Variants in SSPN observed in about 807,000 individuals in gnomAD.
SSPN encodes K-ras oncogene-associated protein.
SSPN carries 15 observed loss-of-function variants against 19.1 expected under a neutral mutation model. That is an observed-to-expected ratio of 0.78 (90% confidence interval 0.52 to 1.21). The LOEUF (loss-of-function observed/expected upper bound fraction) is 1.21, where lower values mean the gene tolerates loss of function less well. SSPN is among the 50% of genes most tolerant of loss of function. The pLI, the probability that SSPN is intolerant of heterozygous loss-of-function variation, is 0.00. For synonymous variants in SSPN, 147 were observed against 140.3 expected (o/e 1.05, Z -0.34); for missense variants, 291 against 314.0 (o/e 0.93, Z 0.55).
intron 1 of SSPN, among the ~76,000 whole-genome samples, chr12:26,184,287 A>G (rs1944738436): frequency 1.3e-5 from 2 of 152,240 alleles, no homozygotes. Flanking sequence ...GTTTTCTGCA[A>G]TCCCTCCTAC....
At chr12:26,122,450 C>T in intron 1 of SSPN, 2 of 1,355,094 alleles carry the variant, frequency 1.5e-6, no homozygotes, top group Non-Finnish European at 1.9e-6. Flanking sequence ...CTGCAGAAGG[C>T]GAGAGGAAGC....
chr12:26,209,084 T>A (rs1437308474), intron 1 of SSPN, among the ~76,000 whole-genome samples: 2 of 150,828 alleles, frequency 1.3e-5, no homozygotes, highest in Non-Finnish European at 3.0e-5. Context: ...CACTTTAGAA[T>A]AGGCTTTTCA....
At chr12:26,163,492 G>A (rs1377410577) in intron 1 of SSPN, among the ~76,000 whole-genome samples, 1 of 152,216 alleles carries the variant, frequency 6.6e-6, no homozygotes, top group Non-Finnish European at 1.5e-5. Context: ...TAGAGGCTGA[G>A]AAGTCCAAGA....
intron 1 of SSPN, among the ~76,000 whole-genome samples, chr12:26,152,189 G>A (rs1250213707): frequency 6.6e-6 from 1 of 152,088 alleles, no homozygotes; most frequent in Non-Finnish European, 1.5e-5. Flanking sequence ...TACTCCCACC[G>A]TGGCTAATTT....
rs570178888 is a variant in SSPN, at chr12:26,161,102, T to C, written c.-31+38950T>C. Among the ~76,000 whole-genome samples, 99 of 97,726 alleles carry C rather than the reference T, an allele frequency of 1.0e-3. 1 individual carries two copies. The East Asian group carries it at 0.012, about 11-fold the overall frequency. The allele number at this position is 97,726 out of a possible 152,430, so 64.1% of individuals were successfully genotyped here. ...CAGCCTGGGTGACAGAGAAAGACTCTGTCTCAAAAAAAAAAAAAAAAAAAA... is the reference window on the plus strand; with the variant it reads ...CAGCCTGGGTGACAGAGAAAGACTCCGTCTCAAAAAAAAAAAAAAAAAAAA... On this transcript the variant is annotated intron_variant, in intron 1 of 2. Coordinates refer to the SSPN transcript ENST00000538142.
chr12:26,208,103 G>A (rs1326170702), intron 1 of SSPN, among the ~76,000 whole-genome samples: 2 of 151,982 alleles, frequency 1.3e-5, no homozygotes, highest in Non-Finnish European at 2.9e-5. Context: ...TTGCATTTAC[G>A]GTGTTACAGT....
At chr12:26,123,061 A>G (rs756277807) in intron 1 of SSPN, 5 of 1,587,318 alleles carry the variant, frequency 3.1e-6, no homozygotes, top group Non-Finnish European at 4.3e-6. Flanking sequence ...CTGGGTGTCC[A>G]GCTCTCAAAC....
chr12:26,153,315 G>A (rs373728413), intron 1 of SSPN, among the ~76,000 whole-genome samples: 4 of 152,056 alleles, frequency 2.6e-5, no homozygotes, highest in South Asian at 2.1e-4. Flanking sequence ...TGTAAGTTTC[G>A]CTGCTAATAT....
At chr12:26,123,230 A>G in intron 1 of SSPN, 1 of 1,505,120 alleles carries the variant, frequency 6.6e-7, no homozygotes, top group Non-Finnish European at 8.9e-7. Flanking sequence ...AAACATACCC[A>G]CGTTAAAACA....
At position 26,232,174 on chromosome 12, in the gene SSPN, T is replaced by C. The variant is rs1215426894; in HGVS notation, c.*1098T>C. On this transcript the variant is annotated 3_prime_UTR_variant, in exon 3 of 3. Transcript: ENST00000242729. ...GGAAGATTGGGTAATGCTGATGTGT[T>C]CCATTCATGAAACTGTATTTGATAC... 5 of 985,362 alleles carry C rather than the reference T, an allele frequency of 5.1e-6. No individual in the cohort carries two copies. The highest frequency in any genetic ancestry group is 6.0e-6 in the Non-Finnish European group (5 of 829,940). The allele number at this position is 985,362 out of a possible 1,614,324, so 61.0% of individuals were successfully genotyped here.
Position 26,195,641 on chromosome 12 carries a change from G to GCTGGCCCC in SSPN, c.-31_-30insTGGCCCCC. The GCTGGCCCC allele has an allele frequency of 2.7e-6, 3 of 1,105,400 alleles. No homozygotes were observed. The highest frequency in any genetic ancestry group is 3.4e-6 in the Non-Finnish European group (3 of 878,118). 68.5% of individuals were successfully genotyped at this position (1,105,400 alleles called of 1,614,324 possible). A position where few individuals can be genotyped will look rare whatever the true frequency, so the allele number is the denominator to read the frequency against. On this transcript the variant is annotated 5_prime_UTR_variant, in exon 1 of 3. Transcript: ENST00000242729. Reference sequence around the variant, plus strand: ...CTCCAGGGCCCAGGGCGCCGCACACGCACCCACCCACCCACCCAGCCTCGC... The same window carrying GCTGGCCCC: ...CTCCAGGGCCCAGGGCGCCGCACACGCTGGCCCCCACCCACCCACCCACCCAGCCTCGC...
chr12:26,157,515 A>G (rs946345005), intron 1 of SSPN, among the ~76,000 whole-genome samples: 1 of 152,172 alleles, frequency 6.6e-6, no homozygotes, highest in African/African-American at 2.4e-5. Flanking sequence ...TGTACTCACA[A>G]TTATCAATGC....
chr12:26,136,875 C>T (rs574667839), intron 1 of SSPN, among the ~76,000 whole-genome samples: 1 of 152,292 alleles, frequency 6.6e-6, no homozygotes, highest in Admixed American at 6.5e-5. Flanking sequence ...CACATAGTTC[C>T]ACATTTATGT....
intron 1 of SSPN, among the ~76,000 whole-genome samples, chr12:26,136,987 T>C (rs1944429197): frequency 1.3e-5 from 2 of 152,230 alleles, no homozygotes; most frequent in Non-Finnish European, 2.9e-5. Context: ...CAAACTTTGT[T>C]AGCTGGCCAT....
chr12:26,223,119 T>C (rs1945139766), intron 1 of SSPN, among the ~76,000 whole-genome samples: 1 of 152,228 alleles, frequency 6.6e-6, no homozygotes, highest in African/African-American at 2.4e-5. Flanking sequence ...TCAAATCATG[T>C]CATTCCCTGC....
At chr12:26,142,846 A>G (rs1053971399) in intron 1 of SSPN, among the ~76,000 whole-genome samples, 6 of 152,264 alleles carry the variant, frequency 3.9e-5, no homozygotes, top group Non-Finnish European at 5.9e-5. Context: ...ATGTGCTGTC[A>G]TCTACAGAAA....
chr12:26,197,884 A>G (rs1276758816), intron 1 of SSPN, among the ~76,000 whole-genome samples: 1 of 152,224 alleles, frequency 6.6e-6, no homozygotes, highest in East Asian at 1.9e-4. Flanking sequence ...GAGAGCAGCT[A>G]GTAGAGATGT....
chr12:26,124,452 T>G, intron 1 of SSPN: 1 of 1,523,026 alleles, frequency 6.6e-7, no homozygotes, highest in South Asian at 1.1e-5. Context: ...AGAGCTTCAC[T>G]GTGAAATCAA....
upstream of SSPN, chr12:26,195,513 C>T (rs900055341): frequency 1.3e-5 from 16 of 1,217,452 alleles, no homozygotes; most frequent in Admixed American, 4.3e-5. Context: ...GCGGGCTCCC[C>T]GTGGCCTTTG....
Sources: gnomAD v4.1 joint callset for allele counts (sites outside exome capture counted in the v4.1 genomes callset) on GRCh38, gnomAD v4.1.1 for gene constraint, MANE v1.5 for transcripts, NCBI Gene and HGNC (gene_info 2026-07-23, HGNC 2026-07-21) for gene names.